TMEM26: variants seen among roughly 807,000 people sequenced by gnomAD.
The protein encoded by TMEM26 is transmembrane protein 26.
In TMEM26, 38 loss-of-function variants were observed where a neutral mutation model predicts 28.8. That is an observed-to-expected ratio of 1.32 (90% confidence interval 1.02 to 1.73). The LOEUF is 1.73. Ranked by LOEUF, TMEM26 falls within the 40% of genes most tolerant of loss-of-function variation. TMEM26 has a pLI of 0.00. For synonymous variants in TMEM26, 227 were observed against 182.9 expected (o/e 1.24, Z -1.95); for missense variants, 518 against 447.1 (o/e 1.16, Z -1.43).
chr10:61,418,986 T>A (rs939079997), intron 4 of TMEM26, among the ~76,000 whole-genome samples: 1 of 152,152 alleles, frequency 6.6e-6, no homozygotes, highest in Non-Finnish European at 1.5e-5. Context: ...TAGTATTTGA[T>A]TCCAATCTGC....
At position 61,412,658 on chromosome 10, in the gene TMEM26, T is replaced by C. The variant is rs114233403; in HGVS notation, c.682+801A>G. On this transcript the variant is annotated intron_variant, in intron 5 of 5. Transcript: ENST00000399298. ...ATGAACACTGCTCAACTGAACTTTC[T>C]GTGATGATAAAAGTGTTCCATATTA... is the stretch of plus-strand genomic sequence containing the variant. Among the ~76,000 whole-genome samples, 376 of 152,300 alleles carry C rather than the reference T, an allele frequency of 2.5e-3. 2 individuals are homozygous for C. Among genetic ancestry groups the C allele is most frequent in the African/African-American group, 8.6e-3 (358 of 41,580 alleles).
chr10:61,444,540 G>C (rs1461357427), intron 1 of TMEM26, among the ~76,000 whole-genome samples: 1 of 151,594 alleles, frequency 6.6e-6, no homozygotes, highest in Non-Finnish European at 1.5e-5. Context: ...TTGTGCAAGA[G>C]TGTATCTGAG....
chr10:61,428,088 G>A (rs1222683559), intron 4 of TMEM26, among the ~76,000 whole-genome samples: 3 of 152,100 alleles, frequency 2.0e-5, no homozygotes, highest in South Asian at 2.1e-4. Context: ...TACTTGGTAA[G>A]TTAGTGTATT....
intron 1 of TMEM26, 134 bp downstream of exon 1, chr10:61,452,757 C>G: frequency 8.4e-7 from 1 of 1,186,314 alleles, no homozygotes; most frequent in Non-Finnish European, 1.2e-6. Flanking sequence ...CTCGCGCCTT[C>G]CAAGCGATCA....
chr10:61,430,007 G>A (rs1018673785), intron 3 of TMEM26, among the ~76,000 whole-genome samples: 1 of 152,018 alleles, frequency 6.6e-6, no homozygotes, highest in Non-Finnish European at 1.5e-5. Flanking sequence ...TAAAAGACAA[G>A]GCATGATGCT....
chr10:61,451,374 A>G (rs1163195716), intron 1 of TMEM26, among the ~76,000 whole-genome samples: 2 of 152,244 alleles, frequency 1.3e-5, no homozygotes, highest in Admixed American at 1.3e-4. Context: ...GGTCTCCTAG[A>G]AACTCTGGCG....
Position 61,429,242 on chromosome 10 carries a change from G to A in TMEM26, c.385-96C>T, listed in dbSNP as rs887088520. The A allele has an allele frequency of 3.5e-5, 35 of 1,002,252 alleles. No homozygotes were observed. The African/African-American group carries it at 5.0e-4, about 14-fold the overall frequency. The allele number at this position is 1,002,252 out of a possible 1,614,324, so 62.1% of individuals were successfully genotyped here. The stretch of plus-strand genomic sequence containing the variant: ...TGCTTTCAATCAAGAGTTTGCTTTT[G>A]TAGAGAGTAATTTTCAGGAGTTATT... On this transcript the variant is annotated intron_variant, in intron 3 of 5. Transcript: ENST00000399298.
intron 4 of TMEM26, among the ~76,000 whole-genome samples, chr10:61,424,318 A>C (rs1049552357): frequency 8.5e-5 from 13 of 152,188 alleles, no homozygotes; most frequent in Non-Finnish European, 1.5e-5. Flanking sequence ...AAGAGCATCA[A>C]AAAGAATAAA....
At chr10:61,427,551 G>A (rs1474676406) in intron 4 of TMEM26, among the ~76,000 whole-genome samples, 2 of 151,964 alleles carry the variant, frequency 1.3e-5, no homozygotes, top group Non-Finnish European at 2.9e-5. Context: ...AACCTTTATT[G>A]GAAAACACAG....
intron 4 of TMEM26, among the ~76,000 whole-genome samples, chr10:61,423,049 T>G (rs1437202779): frequency 6.6e-6 from 1 of 151,982 alleles, no homozygotes; most frequent in African/African-American, 2.4e-5. Flanking sequence ...AATTAACACA[T>G]GTATAGTGAA....
intron 1 of TMEM26, among the ~76,000 whole-genome samples, chr10:61,452,227 C>G (rs1391870475): frequency 6.6e-6 from 1 of 152,196 alleles, no homozygotes; most frequent in African/African-American, 2.4e-5. Flanking sequence ...AAGACTGAAC[C>G]ACTACCTGCT....
rs558006277 is a variant in TMEM26 at position 61,415,097 on chromosome 10, G to A, written c.606-1562C>T. On this transcript the variant is annotated intron_variant, in intron 4 of 5. Transcript: ENST00000399298. ...ACATGCACATATGGCATAGAACGTG[G>A]ATAGAAAACCAGTACCCTGGAAGAC... The A allele has an allele frequency of 3.4e-4, 333 of 985,084 alleles. 1 individual carries two copies. Among genetic ancestry groups the A allele is most frequent in the Non-Finnish European group, 3.9e-4 (325 of 829,818 alleles). 61.0% of individuals were successfully genotyped at this position (985,084 alleles called of 1,614,324 possible).
chr10:61,430,898 A>G (rs1839910282), intron 3 of TMEM26, among the ~76,000 whole-genome samples: 1 of 151,982 alleles, frequency 6.6e-6, no homozygotes, highest in Non-Finnish European at 1.5e-5. Flanking sequence ...TAAAATTATC[A>G]TATCCCAATT....
rs984719423 is a variant in TMEM26, at chr10:61,409,253, G to A, written c.*1069C>T. The A allele has an allele frequency of 2.6e-5, 4 of 152,318 alleles. No homozygotes were observed. The South Asian group carries it at 6.2e-4, about 24-fold the overall frequency. The allele number at this position is 152,318 out of a possible 1,614,324, so 9.4% of individuals were successfully genotyped here. Reference sequence around the variant, plus strand: ...TTAATGCAAGAAAATAAAGCGAATTGCCTGATTCCCACAACGGGGTAGCAC... The same window carrying A: ...TTAATGCAAGAAAATAAAGCGAATTACCTGATTCCCACAACGGGGTAGCAC... On this transcript the variant is annotated 3_prime_UTR_variant, in exon 6 of 6. Coordinates refer to ENST00000399298, the MANE Select transcript of TMEM26 (RefSeq NM_178505.8).
chr10:61,426,316 G>A (rs1839831533), intron 4 of TMEM26, among the ~76,000 whole-genome samples: 1 of 151,986 alleles, frequency 6.6e-6, no homozygotes, highest in Non-Finnish European at 1.5e-5. Context: ...TTGGAGTGAT[G>A]GGAATGTTCT....
At chr10:61,450,678 T>C (rs1171160602) in intron 1 of TMEM26, among the ~76,000 whole-genome samples, 2 of 152,158 alleles carry the variant, frequency 1.3e-5, no homozygotes, top group Non-Finnish European at 2.9e-5. Flanking sequence ...AATATGAGTG[T>C]AGATACTATG....
intron 1 of TMEM26, among the ~76,000 whole-genome samples, chr10:61,448,503 A>G (rs528797599): frequency 7.2e-4 from 110 of 152,342 alleles, no homozygotes; most frequent in African/African-American, 2.5e-3. Flanking sequence ...CACTTGGAAG[A>G]TTCTGGAAGA....
intron 1 of TMEM26, among the ~76,000 whole-genome samples, chr10:61,449,833 C>T: frequency 6.6e-6 from 1 of 151,808 alleles, no homozygotes. Context: ...CTCATTTCAA[C>T]TTGTAGAAAC....
chr10:61,414,848 G>T, intron 4 of TMEM26: 1 of 319,232 alleles, frequency 3.1e-6, no homozygotes, highest in Non-Finnish European at 4.5e-6. Context: ...TATGTAAATT[G>T]ATGACAGACA....
Sources: gnomAD v4.1 joint callset for allele counts (sites outside exome capture counted in the v4.1 genomes callset) on GRCh38, gnomAD v4.1.1 for gene constraint, MANE v1.5 for transcripts, NCBI Gene and HGNC (gene_info 2026-07-23, HGNC 2026-07-21) for gene names.